CCDC138: variants seen among roughly 807,000 people sequenced by gnomAD.
The protein encoded by CCDC138 is coiled-coil domain containing 138, also known as coiled-coil domain-containing protein 138.
Under a neutral mutation model 82.3 loss-of-function variants are expected in CCDC138, and 66 were observed. That is an observed-to-expected ratio of 0.80 (90% confidence interval 0.66 to 0.98). CCDC138 has a LOEUF of 0.98. CCDC138 is among the 50% of genes least tolerant of loss of function. CCDC138 has a pLI of 0.00. For missense variants in CCDC138, 816 were observed against 758.9 expected (o/e 1.08, Z -0.88); for synonymous variants, 297 against 265.4 (o/e 1.12, Z -1.16).
chr2:108,794,457 C>T, intron 4 of CCDC138, 83 bp from the exon 5 acceptor site: 4 of 1,194,934 alleles, frequency 3.3e-6, no homozygotes, highest in Non-Finnish European at 2.3e-6. Context: ...GTACTTAAAG[C>T]ATCTCTTCCT....
intron 7 of CCDC138, among the ~76,000 whole-genome samples, chr2:108,810,812 T>C (rs1419751167): frequency 6.6e-6 from 1 of 152,238 alleles, no homozygotes; most frequent in African/African-American, 2.4e-5. Context: ...AGCCATTTAG[T>C]TCGGGCTTTT....
chr2:108,792,473 G>A (rs1269810817), intron 4 of CCDC138, among the ~76,000 whole-genome samples: 1 of 152,044 alleles, frequency 6.6e-6, no homozygotes, highest in Non-Finnish European at 1.5e-5. Context: ...AAAAGTAATG[G>A]CAAAAGCCAC....
intron 10 of CCDC138, among the ~76,000 whole-genome samples, chr2:108,833,894 A>ATTTTTTTTTTTTTT (rs749488565): frequency 7.6e-5 from 6 of 79,218 alleles, no homozygotes; most frequent in East Asian, 7.9e-4. Context: ...CGCCCGGCTA[A>ATTTTTTTTTTTTTT]TTTTTTTTTT....
At chr2:108,854,693 A>G (rs1692314384) in intron 12 of CCDC138, among the ~76,000 whole-genome samples, 1 of 152,082 alleles carries the variant, frequency 6.6e-6, no homozygotes, top group Non-Finnish European at 1.5e-5. Flanking sequence ...TCATCTGGAT[A>G]TTTGGCTGGG....
intron 11 of CCDC138, among the ~76,000 whole-genome samples, chr2:108,842,779 G>A (rs1220271674): frequency 6.6e-6 from 1 of 152,166 alleles, no homozygotes; most frequent in Non-Finnish European, 1.5e-5. Context: ...CTTCTAGGGT[G>A]AAAAAGTCCA....
intron 14 of CCDC138, 41 bp downstream of exon 14, chr2:108,873,630 C>T (rs1166843285): frequency 1.4e-6 from 2 of 1,410,048 alleles, no homozygotes; most frequent in Non-Finnish European, 9.8e-7. Context: ...TTGAAAAATA[C>T]CTTACTGTGA....
downstream of CCDC138, among the ~76,000 whole-genome samples, chr2:108,878,080 A>G (rs1174731950): frequency 1.3e-5 from 2 of 152,230 alleles, 1 homozygote; most frequent in Admixed American, 1.3e-4. Context: ...GGAGAAAGAA[A>G]TGACTTAAAG....
intron 12 of CCDC138, among the ~76,000 whole-genome samples, chr2:108,856,367 A>G (rs1692603267): frequency 6.6e-6 from 1 of 152,220 alleles, no homozygotes; most frequent in Non-Finnish European, 1.5e-5. Flanking sequence ...CGTTTGTATA[A>G]ATTACATTTT....
intron 12 of CCDC138, among the ~76,000 whole-genome samples, chr2:108,855,335 T>G (rs1369935422): frequency 6.6e-6 from 1 of 152,184 alleles, no homozygotes; most frequent in African/African-American, 2.4e-5. Flanking sequence ...TTTTAAAAAC[T>G]GTATAGTATT....
At chr2:108,869,060 T>C (rs1694852880) in intron 13 of CCDC138, among the ~76,000 whole-genome samples, 1 of 152,194 alleles carries the variant, frequency 6.6e-6, no homozygotes, top group Non-Finnish European at 1.5e-5. Flanking sequence ...AATTTTTTTT[T>C]CATAATATTG....
At chr2:108,798,821 A>ACACACG (rs1163681269) in intron 6 of CCDC138, among the ~76,000 whole-genome samples, 45 of 118,878 alleles carry the variant, frequency 3.8e-4, no homozygotes, top group Non-Finnish European at 5.0e-4. Context: ...ACACCTACAC[A>ACACACG]CACACACACA....
At position 108,815,999 on chromosome 2, in the gene CCDC138, A is replaced by G; in HGVS notation, c.1100A>G (p.Asp367Gly). Residue 367 changes from aspartate to glycine, a missense_variant, in exon 10 of 15, where the codon GAT becomes GGT. Coordinates refer to ENST00000295124, the MANE Select transcript of CCDC138 (RefSeq NM_144978.3). Reference sequence around the variant, plus strand: ...ACTGTCTTCATGGACTGGATTTCGGATCATCATCTTAGCAAAGTGAAACAT... The same window carrying G: ...ACTGTCTTCATGGACTGGATTTCGGGTCATCATCTTAGCAAAGTGAAACAT... ...LLTVFMDWIS[D>G]HHLSKVKHEE... 1 of 1,612,020 alleles carries G rather than the reference A, an allele frequency of 6.2e-7. No individual in the cohort carries two copies. The highest frequency in any genetic ancestry group is 1.3e-5 in the African/African-American group (1 of 75,008).
Position 108,794,683 on chromosome 2 carries a change from A to G in CCDC138, c.538A>G (p.Ile180Val), listed in dbSNP as rs1396381495. 1.9e-6 allele frequency: 3 copies of G among 1,613,750 alleles called. No homozygotes were observed. Among genetic ancestry groups the G allele is most frequent in the Admixed American group, 1.7e-5 (1 of 59,842 alleles). The change falls in exon 5 of 15, where the codon ATA becomes GTA. Residue 180 changes from isoleucine (I) to valine (V), a missense_variant. Transcript: ENST00000295124. ...TTTACTTCCACATCAGATCAGTCAGATATATGACGAATTATTTCAGATACA... is the reference window on the plus strand; with the variant it reads ...TTTACTTCCACATCAGATCAGTCAGGTATATGACGAATTATTTCAGATACA... Reference protein sequence around the residue: ...RSLLPHQISQIYDELFQIHLK... With the variant: ...RSLLPHQISQVYDELFQIHLK...
rs1366391459 is a variant in CCDC138, at chr2:108,834,556, A to G, written c.1207-4629A>G. On this transcript the variant is annotated intron_variant, in intron 10 of 14. Coordinates refer to ENST00000295124, the MANE Select transcript of CCDC138 (RefSeq NM_144978.3). ...TACACTAAGTATTGTCAAATAGTTG[A>G]CATCAATCCATGAGCATATGATTTT... Among the ~76,000 whole-genome samples the G allele has an allele frequency of 2.6e-5, 4 of 152,344 alleles. No individual in the cohort carries two copies. The East Asian group carries it at 7.7e-4, about 29-fold the overall frequency.
At chr2:108,797,612 GAGC>G (rs1681121105) in intron 5 of CCDC138, among the ~76,000 whole-genome samples, 1 of 152,092 alleles carries the variant, frequency 6.6e-6, no homozygotes, top group South Asian at 2.1e-4. Flanking sequence ...ATAATCAGCA[GAGC>G]AGTCTTCACA....
chr2:108,800,923 C>T (rs1681848011), intron 6 of CCDC138, among the ~76,000 whole-genome samples: 1 of 116,414 alleles, frequency 8.6e-6, no homozygotes, highest in Non-Finnish European at 1.8e-5. Flanking sequence ...TGATGGTTTC[C>T]AGTTTCATCC....
intron 10 of CCDC138, among the ~76,000 whole-genome samples, chr2:108,834,132 G>A (rs1688190418): frequency 6.6e-6 from 1 of 151,128 alleles, no homozygotes. Context: ...GGTTCCAAGT[G>A]TTTCCTGTCA....
intron 5 of CCDC138, among the ~76,000 whole-genome samples, chr2:108,796,952 G>T (rs1385403697): frequency 6.6e-6 from 1 of 152,206 alleles, no homozygotes. Flanking sequence ...ATATTTTAAA[G>T]TGGCTAGAGA....
intron 4 of CCDC138, among the ~76,000 whole-genome samples, chr2:108,792,231 C>T (rs1174372890): frequency 1.3e-5 from 2 of 152,208 alleles, no homozygotes; most frequent in Non-Finnish European, 2.9e-5. Context: ...CTCTGGGCTA[C>T]AAGACTTTGA....
Sources: gnomAD v4.1 joint callset for allele counts (sites outside exome capture counted in the v4.1 genomes callset) on GRCh38, gnomAD v4.1.1 for gene constraint, MANE v1.5 for transcripts, NCBI Gene and HGNC (gene_info 2026-07-23, HGNC 2026-07-21) for gene names.